HPS4: variants seen among roughly 807,000 people sequenced by gnomAD.
HPS4 encodes BLOC-3 complex member HPS4.
Under a neutral mutation model 70.3 loss-of-function variants are expected in HPS4, and 44 were observed. The ratio of observed to expected loss-of-function variants is 0.63; its 90% CI spans 0.49 to 0.80. The LOEUF (loss-of-function observed/expected upper bound fraction) is 0.80, where lower values mean the gene tolerates loss of function less well. HPS4 is among the 30% of genes least tolerant of loss of function. HPS4 has a pLI of 0.00. For missense variants in HPS4, 873 were observed against 884.4 expected (o/e 0.99, Z 0.16); for synonymous variants, 377 against 355.9 (o/e 1.06, Z -0.67).
rs1267618697 is a variant in HPS4, at chr22:26,452,157, C to T, written c.*1076G>A. Reference sequence around the variant, plus strand: ...TTGGAAGCTTGTTTCAAGAAAAAGACACCATATCATAAACATCAGATATCA... The same window carrying T: ...TTGGAAGCTTGTTTCAAGAAAAAGATACCATATCATAAACATCAGATATCA... On this transcript the variant is annotated 3_prime_UTR_variant, in exon 14 of 14. Coordinates refer to ENST00000398145, the MANE Select transcript of HPS4 (RefSeq NM_022081.6). 4 of 334,582 alleles carry T rather than the reference C, an allele frequency of 1.2e-5. No homozygotes were observed. Among genetic ancestry groups the T allele is most frequent in the Non-Finnish European group, 2.4e-5 (4 of 169,216 alleles). 20.7% of individuals were successfully genotyped at this position (334,582 alleles called of 1,614,324 possible). A position where few individuals can be genotyped will look rare whatever the true frequency, so the allele number is the denominator to read the frequency against.
At chr22:26,481,409 T>C (rs1325520045) in intron 2 of HPS4, among the ~76,000 whole-genome samples, 1 of 152,134 alleles carries the variant, frequency 6.6e-6, no homozygotes, top group Non-Finnish European at 1.5e-5. Flanking sequence ...CCATACCTCA[T>C]CTCTGCAAAT....
chr22:26,483,597 T>G (rs3747136), intron 1 of HPS4, 77 bp downstream of exon 1: 13 of 243,616 alleles, frequency 5.3e-5, no homozygotes, highest in Non-Finnish European at 7.8e-5. Context: ...CGCCTAAGGA[T>G]TAGGCGGGGT....
chr22:26,474,446 C>T (rs2090257689), intron 4 of HPS4, among the ~76,000 whole-genome samples: 1 of 150,988 alleles, frequency 6.6e-6, no homozygotes. Flanking sequence ...AAGTGGATTA[C>T]AGATCTAAAT....
rs571502856 is a variant in HPS4 at position 26,458,770 on chromosome 22, G to A, written c.1714-193C>T. Among the ~76,000 whole-genome samples, 22 of 150,734 alleles carry A rather than the reference G, an allele frequency of 1.5e-4. No individual in the cohort carries two copies. The East Asian group carries it at 3.9e-3, about 27-fold the overall frequency. ...CAGGAGTTTAAGGCTGCAGTGAGCC[G>A]AGACCGCACCACCACACTCCAGCCT... On this transcript the variant is annotated intron_variant, in intron 11 of 13. Coordinates refer to ENST00000398145, the MANE Select transcript of HPS4 (RefSeq NM_022081.6).
intron 2 of HPS4, among the ~76,000 whole-genome samples, chr22:26,480,656 C>A (rs2091189510): frequency 6.6e-6 from 1 of 152,098 alleles, no homozygotes; most frequent in African/African-American, 2.4e-5. Context: ...GTGGCTCACA[C>A]CTATAATCCC....
intron 5 of HPS4, 69 bp downstream of exon 5, chr22:26,472,763 G>T: frequency 8.8e-7 from 1 of 1,132,694 alleles, no homozygotes; most frequent in Non-Finnish European, 1.4e-6. Context: ...CAGAGTAAGT[G>T]CTGCATTCTG....
intron 11 of HPS4, among the ~76,000 whole-genome samples, chr22:26,461,572 A>T (rs1569044117): frequency 1.3e-5 from 2 of 152,292 alleles, no homozygotes; most frequent in South Asian, 4.1e-4. Context: ...CAAATGACAC[A>T]AGGGCAGCTT....
At chr22:26,445,234 TGAG>T (rs1332454780) in intron 3 of HPS4, among the ~76,000 whole-genome samples, 1 of 152,020 alleles carries the variant, frequency 6.6e-6, no homozygotes, top group Non-Finnish European at 1.5e-5. Context: ...TTTGAGAGGC[TGAG>T]GTGGGAGGAT....
intron 2 of HPS4, among the ~76,000 whole-genome samples, chr22:26,481,488 A>G (rs921536419): frequency 1.3e-5 from 2 of 152,182 alleles, no homozygotes; most frequent in Non-Finnish European, 2.9e-5. Context: ...TCTTTTCTAC[A>G]ATCTCCCAGC....
In HPS4 at chr22:26,458,533, C is replaced by T. The variant is rs1356334936; in HGVS notation, c.1758G>A (p.Leu586=). Residue 586 remains leucine (L), a synonymous_variant, in exon 12 of 14, where the codon CTG becomes CTA. Transcript: ENST00000398145. ...LASLNGLEVH[L]KETLPRDEAA... ...CCTCATCCCTGGGCAGCGTCTCTTTCAGGTGGACTTCCAGCCCATTCAGTG... is the reference window on the plus strand; with the variant it reads ...CCTCATCCCTGGGCAGCGTCTCTTTTAGGTGGACTTCCAGCCCATTCAGTG... 3.1e-6 allele frequency: 5 copies of T among 1,614,064 alleles called. No homozygotes were observed. Among genetic ancestry groups the T allele is most frequent in the Non-Finnish European group, 4.2e-6 (5 of 1,180,034 alleles).
rs146303784 is a variant in HPS4 at position 26,457,867 on chromosome 22, C to T, written c.1947G>A (p.Met649Ile). The change falls in exon 13 of 14, where the codon ATG becomes ATA. Residue 649 changes from methionine (M) to isoleucine (I), a missense_variant. Physicochemically the swap from Met to Ile is conservative, Grantham distance 10. Transcript: ENST00000398145. Reference protein sequence around the residue: ...EFAQLPALYEMTVRNASTAVY... With the variant: ...EFAQLPALYEITVRNASTAVY... ...GACTCAGGGAGGCTCACCTGACAGT[C>T]ATTTCATAAAGCGCGGGCAGCTGGG... 4.3e-4 allele frequency: 691 copies of T among 1,613,894 alleles called. 4 individuals carry two copies. The East Asian group carries it at 0.014, about 32-fold the overall frequency.
At chr22:26,466,285 G>A (rs2088602116) in intron 8 of HPS4, 23 bp from the exon 9 acceptor site, 1 of 1,613,714 alleles carries the variant, frequency 6.2e-7, no homozygotes, top group Non-Finnish European at 8.5e-7. Flanking sequence ...ACACACAGAA[G>A]TTGGCGCTGG....
intron 4 of HPS4, among the ~76,000 whole-genome samples, chr22:26,473,916 T>C (rs987014792): frequency 3.7e-4 from 56 of 152,300 alleles, no homozygotes; most frequent in African/African-American, 1.3e-3. Flanking sequence ...AAAAATTCCC[T>C]CTGAATGTAA....
intron 3 of HPS4, 85 bp from the exon 4 acceptor site, chr22:26,477,221 G>T: frequency 3.5e-6 from 5 of 1,424,248 alleles, no homozygotes; most frequent in Non-Finnish European, 4.9e-6. Flanking sequence ...AAGCCTGCAA[G>T]CCAAATCCAG....
downstream of HPS4, among the ~76,000 whole-genome samples, chr22:26,446,265 G>GGTCTTC (rs2084948677): frequency 6.6e-6 from 1 of 152,128 alleles, no homozygotes; most frequent in Non-Finnish European, 1.5e-5. Flanking sequence ...TCACACCCCA[G>GGTCTTC]GTCTTCTGAT....
chr22:26,476,896 TG>T, intron 4 of HPS4, 96 bp downstream of exon 4: 3 of 1,317,428 alleles, frequency 2.3e-6, no homozygotes, highest in Non-Finnish European at 3.3e-6. Flanking sequence ...ATGAGGTTGG[TG>T]GGGGCAGATA....
At chr22:26,449,040 A>G (rs1296817661), downstream of HPS4, among the ~76,000 whole-genome samples, 1 of 151,966 alleles carries the variant, frequency 6.6e-6, no homozygotes, top group Non-Finnish European at 1.5e-5. Context: ...GCACAGGCTG[A>G]GAGTATTAGT....
chr22:26,476,782 G>C, intron 4 of HPS4: 1 of 568,326 alleles, frequency 1.8e-6, no homozygotes, highest in East Asian at 3.2e-5. Context: ...AACCAGCTGT[G>C]TGCAATGCAG....
intron 6 of HPS4, among the ~76,000 whole-genome samples, chr22:26,471,754 G>C (rs1479356170): frequency 1.3e-5 from 2 of 152,180 alleles, no homozygotes; most frequent in Middle Eastern, 3.2e-3. Context: ...GGAGAGGGCT[G>C]TGAGTCAGGG....
Sources: allele counts gnomAD v4.1 joint callset (sites outside exome capture counted in the v4.1 genomes callset), GRCh38; gene constraint gnomAD v4.1.1; transcripts MANE v1.5; gene names NCBI Gene and HGNC (gene_info 2026-07-23, HGNC 2026-07-21).